CHL1: variants seen among roughly 807,000 people sequenced by gnomAD.
CHL1 encodes cell adhesion molecule L1 like.
In CHL1, 96 loss-of-function variants were observed where a neutral mutation model predicts 141.9. That is an observed-to-expected ratio of 0.68 (90% CI 0.57 to 0.80). The LOEUF is 0.80. Ranked by LOEUF, CHL1 falls within the 30% of genes least tolerant of loss-of-function variation. The pLI is 0.00. For missense variants in CHL1, 1,820 were observed against 1,457.2 expected (o/e 1.25, Z -4.05); for synonymous variants, 613 against 502.2 (o/e 1.22, Z -2.95).
At chr3:242,021 G>T (rs1026615431) in intron 1 of CHL1, among the ~76,000 whole-genome samples, 6 of 152,208 alleles carry the variant, frequency 3.9e-5, no homozygotes, top group African/African-American at 1.4e-4. Flanking sequence ...AGTGTATTGT[G>T]TATATACCCT....
chr3:281,290 T>G (rs1014181088), intron 2 of CHL1, among the ~76,000 whole-genome samples: 3 of 152,150 alleles, frequency 2.0e-5, no homozygotes, highest in Non-Finnish European at 4.4e-5. Flanking sequence ...CCCACAAATT[T>G]GCCCACAAAC....
intron 26 of CHL1, among the ~76,000 whole-genome samples, chr3:400,119 A>G (rs1709002372): frequency 6.6e-6 from 1 of 152,222 alleles, no homozygotes; most frequent in Admixed American, 6.5e-5. Context: ...TAAAGGGACA[A>G]AGATTTAGGT....
chr3:334,400 T>C lies in CHL1; in HGVS notation c.385+6046T>C, dbSNP rs187269894. Among the ~76,000 whole-genome samples, 208 of 152,288 alleles carry C rather than the reference T, an allele frequency of 1.4e-3. 3 individuals are homozygous for C. The highest frequency in any genetic ancestry group is 4.6e-3 in the African/African-American group (192 of 41,556). Reference sequence around the variant, plus strand: ...ATAATGTAGTATTAAAACATTTCCATCACCACAAAAAGATTTCTTGTGCCC... The same window carrying C: ...ATAATGTAGTATTAAAACATTTCCACCACCACAAAAAGATTTCTTGTGCCC... On this transcript the variant is annotated intron_variant, in intron 5 of 27. Coordinates refer to ENST00000256509, the MANE Select transcript of CHL1 (RefSeq NM_006614.4).
chr3:341,416 C>T (rs540451663), intron 6 of CHL1, among the ~76,000 whole-genome samples: 1 of 152,248 alleles, frequency 6.6e-6, no homozygotes, highest in African/African-American at 2.4e-5. Flanking sequence ...TTAGGTACAG[C>T]CAATTGTTCC....
intron 5 of CHL1, among the ~76,000 whole-genome samples, chr3:335,618 G>T (rs925689044): frequency 6.6e-6 from 1 of 152,200 alleles, no homozygotes; most frequent in Non-Finnish European, 1.5e-5. Context: ...TAAACGGAGT[G>T]CCAAGTCAAA....
intron 4 of CHL1, among the ~76,000 whole-genome samples, chr3:327,382 C>T (rs900722484): frequency 1.3e-5 from 2 of 151,762 alleles, no homozygotes; most frequent in African/African-American, 4.8e-5. Flanking sequence ...GTTCATAGAA[C>T]TGACACTCTA....
rs1395578532 is a variant in CHL1, at chr3:363,250, C to T, written c.1452C>T (p.Gly484=). Residue 484 remains glycine (G), a synonymous_variant, in exon 14 of 28, where the codon GGC becomes GGT. Transcript: ENST00000256509. ...QKVEEVKPLE[G]RRYHIYENGT... ...TGGAAGAAGTGAAACCCCTGGAGGG[C>T]AGGCGGTATCATATCTATGAAAATG... The T allele has an allele frequency of 6.2e-7, 1 of 1,613,102 alleles. No homozygotes were observed. Among genetic ancestry groups the T allele is most frequent in the African/African-American group, 1.3e-5 (1 of 74,868 alleles).
At chr3:268,435 C>T (rs181003107) in intron 2 of CHL1, among the ~76,000 whole-genome samples, 68 of 151,830 alleles carry the variant, frequency 4.5e-4, no homozygotes, top group African/African-American at 1.4e-3. Context: ...CTTGGGAGGC[C>T]GAGGCAGCAG....
intron 2 of CHL1, among the ~76,000 whole-genome samples, chr3:311,109 T>G (rs1248201891): frequency 6.6e-6 from 1 of 152,198 alleles, no homozygotes; most frequent in Admixed American, 6.5e-5. Context: ...TATAGTTTAT[T>G]TATCCATTTA....
intron 2 of CHL1, among the ~76,000 whole-genome samples, chr3:310,941 T>A (rs1241856326): frequency 6.6e-6 from 1 of 152,196 alleles, no homozygotes; most frequent in Non-Finnish European, 1.5e-5. Flanking sequence ...TTCTCAATAG[T>A]TTTGCCTTTT....
chr3:333,232 C>G (rs1375984550), intron 5 of CHL1, among the ~76,000 whole-genome samples: 2 of 147,258 alleles, frequency 1.4e-5, no homozygotes, highest in African/African-American at 5.0e-5. Flanking sequence ...CATCTGACAG[C>G]TTTCTGCAAC....
At chr3:235,037 G>T (rs1417566783) in intron 1 of CHL1, among the ~76,000 whole-genome samples, 3 of 150,514 alleles carry the variant, frequency 2.0e-5, no homozygotes, top group East Asian at 1.9e-4. Context: ...AAGTTTTAGG[G>T]TACATGTGCA....
chr3:365,684 A>G (rs1414444320), intron 14 of CHL1, among the ~76,000 whole-genome samples: 1 of 152,222 alleles, frequency 6.6e-6, no homozygotes, highest in Non-Finnish European at 1.5e-5. Flanking sequence ...TTGTTTGCTT[A>G]TACTTTGCTT....
intron 5 of CHL1, among the ~76,000 whole-genome samples, chr3:338,056 G>T (rs887551657): frequency 1.3e-5 from 2 of 152,066 alleles, no homozygotes; most frequent in African/African-American, 4.8e-5. Flanking sequence ...AGTAGAGACG[G>T]GGTTTCACCA....
In CHL1 at chr3:311,532, G is replaced by T. The variant is rs1160806359; in HGVS notation, c.-94-8151G>T. 5.3e-5 allele frequency among the ~76,000 whole-genome samples: 8 copies of T among 152,086 alleles called. No homozygotes were observed. The East Asian group carries it at 1.4e-3, about 26-fold the overall frequency. ...CACTGGATGCAAATAGCACTGCCCAGTCATGTGACAACCCCAGCTGCTCCC... is the reference window on the plus strand; with the variant it reads ...CACTGGATGCAAATAGCACTGCCCATTCATGTGACAACCCCAGCTGCTCCC... On this transcript the variant is annotated intron_variant, in intron 2 of 27. Transcript: ENST00000256509.
chr3:292,564 G>T (rs773375535), intron 2 of CHL1, among the ~76,000 whole-genome samples: 1 of 152,146 alleles, frequency 6.6e-6, no homozygotes, highest in Admixed American at 6.5e-5. Flanking sequence ...GGCAAAAATT[G>T]CTATCTTATT....
chr3:289,191 A>G (rs1697439405), intron 2 of CHL1, among the ~76,000 whole-genome samples: 2 of 152,252 alleles, frequency 1.3e-5, no homozygotes, highest in Admixed American at 6.5e-5. Flanking sequence ...GTCATGAAAC[A>G]AACATCTATA....
chr3:385,100 T>A (rs1707517304), intron 19 of CHL1, among the ~76,000 whole-genome samples: 1 of 152,246 alleles, frequency 6.6e-6, no homozygotes, highest in Non-Finnish European at 1.5e-5. Context: ...ATTGTCTTGA[T>A]AATTACTTAA....
intron 1 of CHL1, among the ~76,000 whole-genome samples, chr3:235,717 A>T (rs892834502): frequency 3.3e-5 from 5 of 152,244 alleles, no homozygotes; most frequent in African/African-American, 1.2e-4. Flanking sequence ...AGTAATATAA[A>T]GTCAGAACTG....
Sources: allele counts gnomAD v4.1 joint callset (sites outside exome capture counted in the v4.1 genomes callset), GRCh38; gene constraint gnomAD v4.1.1; transcripts MANE v1.5; gene names NCBI Gene and HGNC (gene_info 2026-07-23, HGNC 2026-07-21).